SLC35H1: variants seen among roughly 807,000 people sequenced by gnomAD.
SLC35H1 encodes solute carrier family 35 member H1, also known as ovarian cancer-overexpressed gene 1 protein.
the SLC35H1 span, among the ~76,000 whole-genome samples, chr20:46,357,401 A>T: frequency 2.6e-5 from 4 of 152,066 alleles, no homozygotes; most frequent in African/African-American, 4.8e-5. Flanking sequence ...CCGCAGGTGC[A>T]GGGGGGGTTT....
At chr20:46,349,220 G>A in the SLC35H1 span, 1 of 152,286 alleles carries the variant, frequency 6.6e-6, no homozygotes. Context: ...AAGGGCCGGG[G>A]GGGTCTCCCA....
the SLC35H1 span, among the ~76,000 whole-genome samples, chr20:46,359,682 C>A: frequency 6.6e-6 from 1 of 152,206 alleles, no homozygotes. Flanking sequence ...CCGGAGCATG[C>A]CGGGTAGACC....
the SLC35H1 span, chr20:46,363,044 G>C: frequency 6.6e-6 from 1 of 152,374 alleles, no homozygotes; most frequent in Non-Finnish European, 1.5e-5. Context: ...GGGATTACAG[G>C]CGTGAGCCAC....
the SLC35H1 span, among the ~76,000 whole-genome samples, chr20:46,359,770 A>G: frequency 2.0e-5 from 3 of 152,088 alleles, no homozygotes; most frequent in Non-Finnish European, 4.4e-5. Context: ...CCCCTCAACC[A>G]CAGATCCTCC....
At chr20:46,363,878 C>A in the SLC35H1 span, among the ~76,000 whole-genome samples, 58 of 152,384 alleles carry the variant, frequency 3.8e-4, no homozygotes, top group African/African-American at 1.3e-3. Context: ...CGGCCCCCTG[C>A]CACGTGTCAA....
At chr20:46,347,375 C>T in the SLC35H1 span, 1 of 152,240 alleles carries the variant, frequency 6.6e-6, no homozygotes, top group African/African-American at 2.4e-5. Context: ...TAGATGGTGC[C>T]CAGTGAACGG....
the SLC35H1 span, among the ~76,000 whole-genome samples, chr20:46,360,362 G>A: frequency 1.3e-5 from 2 of 152,054 alleles, no homozygotes; most frequent in African/African-American, 2.4e-5. Flanking sequence ...TTCGAGGTGC[G>A]ACACAACACG....
the SLC35H1 span, among the ~76,000 whole-genome samples, chr20:46,353,376 T>G: frequency 6.6e-6 from 1 of 152,214 alleles, no homozygotes; most frequent in Admixed American, 6.5e-5. Context: ...ACTGTCCATC[T>G]GGAAGAATGA....
At chr20:46,358,557 C>A in the SLC35H1 span, 1 of 1,613,842 alleles carries the variant, frequency 6.2e-7, no homozygotes, top group Non-Finnish European at 8.5e-7. Context: ...GCAGGCACCC[C>A]TCTTGAATAC....
At chr20:46,363,259 T>C in the SLC35H1 span, 2 of 152,274 alleles carry the variant, frequency 1.3e-5, no homozygotes, top group African/African-American at 4.8e-5. Context: ...GGAACCTGGC[T>C]TCTCTTCTCT....
chr20:46,346,021 T>C, the SLC35H1 span: 3 of 152,292 alleles, frequency 2.0e-5, no homozygotes, highest in African/African-American at 7.2e-5. Context: ...CTTCGATATC[T>C]CCAGCAGCGA....
the SLC35H1 span, chr20:46,346,331 T>TA: frequency 2.0e-5 from 3 of 152,232 alleles, no homozygotes; most frequent in African/African-American, 7.2e-5. Context: ...GCTGTGCAGT[T>TA]AGGGTGAAAA....
the SLC35H1 span, chr20:46,348,621 G>C: frequency 6.6e-6 from 1 of 152,244 alleles, no homozygotes; most frequent in Non-Finnish European, 1.5e-5. Context: ...GTCTGTGCTG[G>C]GAATCTGAAT....
At chr20:46,354,772 A>G in the SLC35H1 span, 1 of 949,322 alleles carries the variant, frequency 1.1e-6, no homozygotes, top group South Asian at 1.5e-5. Flanking sequence ...CAGGGGAGGG[A>G]CTGCATCTTT....
chr20:46,354,079 C>T, the SLC35H1 span, among the ~76,000 whole-genome samples: 1 of 152,042 alleles, frequency 6.6e-6, no homozygotes, highest in Non-Finnish European at 1.5e-5. Context: ...AGGAAGGTGG[C>T]GTCACACCTC....
chr20:46,350,480 C>T, the SLC35H1 span: 44 of 1,613,014 alleles, frequency 2.7e-5, no homozygotes, highest in South Asian at 4.4e-5. Flanking sequence ...AGCTCCAGGT[C>T]GGGGCTGGAG....
the SLC35H1 span, chr20:46,350,745 A>G: frequency 6.2e-7 from 1 of 1,612,974 alleles, no homozygotes; most frequent in Non-Finnish European, 8.5e-7. Flanking sequence ...GGCTTCTGGA[A>G]GGGACTCTGG....
At chr20:46,350,561 C>G in the SLC35H1 span, 2 of 1,553,536 alleles carry the variant, frequency 1.3e-6, no homozygotes, top group Non-Finnish European at 1.7e-6. Flanking sequence ...CAGGCCCAGT[C>G]GTGGTTTTCT....
chr20:46,354,818 G>C, the SLC35H1 span: 1 of 1,394,390 alleles, frequency 7.2e-7, no homozygotes, highest in Admixed American at 2.0e-5. Context: ...ACTGTGTTGG[G>C]CTCAGGGCGA....
Sources: gnomAD v4.1 joint callset for allele counts (sites outside exome capture counted in the v4.1 genomes callset) on GRCh38, gnomAD v4.1.1 for gene constraint, MANE v1.5 for transcripts, NCBI Gene and HGNC (gene_info 2026-07-23, HGNC 2026-07-21) for gene names.